PRRX2: variants seen among roughly 807,000 people sequenced by gnomAD.
PRRX2 encodes paired related homeobox 2.
A neutral mutation model predicts 18.0 loss-of-function variants in PRRX2; 11 were observed. That is an observed-to-expected ratio of 0.61 (90% CI 0.39 to 1.01). The LOEUF (loss-of-function observed/expected upper bound fraction) is 1.01. Among genes scored for constraint, PRRX2 ranks in the 50% least tolerant of loss-of-function variants. PRRX2 has a pLI of 0.01. For missense variants in PRRX2, 387 were observed against 351.0 expected (o/e 1.10, Z -0.82); for synonymous variants, 177 against 154.8 (o/e 1.14, Z -1.06).
chr9:129,671,609 C>A lies in PRRX2; in HGVS notation c.259+5483C>A, dbSNP rs1031053438. Among the ~76,000 whole-genome samples the A allele has an allele frequency of 3.9e-5, 6 of 152,334 alleles. No homozygotes were observed. The highest frequency in any genetic ancestry group is 1.2e-4 in the African/African-American group (5 of 41,570). ...AGTGTTGCCATCTGTGGGATAGGAA[C>A]AAGGGCTGTGGTATCCCTCAAAGGG... On this transcript the variant is annotated intron_variant, in intron 1 of 3. Transcript: ENST00000372469. The surrounding 1 kb of genome is among the most constrained non-coding windows in gnomAD (Gnocchi z 4.0).
chr9:129,683,390 G>C (rs1442106530), intron 1 of PRRX2, among the ~76,000 whole-genome samples: 1 of 152,174 alleles, frequency 6.6e-6, no homozygotes, highest in East Asian at 1.9e-4. Flanking sequence ...TGCAGGTCCT[G>C]GGCACACACC....
rs1832094261 is a variant in PRRX2, at chr9:129,671,106, C to A, written c.259+4980C>A. Among the ~76,000 whole-genome samples the A allele has an allele frequency of 6.6e-6, 1 of 152,350 alleles. No homozygotes were observed. Among genetic ancestry groups the A allele is most frequent in the Middle Eastern group, 3.4e-3 (1 of 294 alleles). ...AGATGATTTGACTCAGGCTTAGGAA[C>A]CCCATGATGGGCGTGTCTCCCTGGG... On this transcript the variant is annotated intron_variant, in intron 1 of 3. Transcript: ENST00000372469. This position sits in a 1 kb window ranked among gnomAD's most constrained non-coding sequence, Gnocchi z 4.0.
At chr9:129,689,194 G>A (rs1394601256) in intron 1 of PRRX2, among the ~76,000 whole-genome samples, 1 of 152,110 alleles carries the variant, frequency 6.6e-6, no homozygotes, top group African/African-American at 2.4e-5. Context: ...TCTTCTCTGA[G>A]CTCCCAGAGC....
In PRRX2 at chr9:129,720,817, G is replaced by A. The variant is rs376786208; in HGVS notation, c.626+43G>A. The A allele has an allele frequency of 1.7e-3, 2,601 of 1,492,874 alleles. 28 individuals are homozygous for A. The highest frequency in any genetic ancestry group is 0.017 in the South Asian group (1,311 of 75,432). The allele number at this position is 1,492,874 out of a possible 1,614,324, so 92.5% of individuals were successfully genotyped here. ...TTTGGGCCAGGAAGGGGCAGCTCGAGGAATCCCAGAGGGCTTTTCCGGCCT... is the reference window on the plus strand; with the variant it reads ...TTTGGGCCAGGAAGGGGCAGCTCGAAGAATCCCAGAGGGCTTTTCCGGCCT... On this transcript the variant is annotated intron_variant, in intron 3 of 3. Transcript: ENST00000372469.
chr9:129,718,864 C>T (rs1257730200), intron 1 of PRRX2, among the ~76,000 whole-genome samples: 2 of 152,170 alleles, frequency 1.3e-5, no homozygotes, highest in African/African-American at 4.8e-5. Flanking sequence ...CAGGTGTCTC[C>T]TGAGCCCTCC....
intron 1 of PRRX2, among the ~76,000 whole-genome samples, chr9:129,685,798 T>C (rs1832293373): frequency 6.6e-6 from 1 of 152,208 alleles, no homozygotes; most frequent in Non-Finnish European, 1.5e-5. Context: ...ATCCATGCAG[T>C]GTTTACTGAG....
intron 1 of PRRX2, among the ~76,000 whole-genome samples, chr9:129,706,826 A>G (rs1265907722): frequency 6.6e-6 from 1 of 152,184 alleles, no homozygotes; most frequent in Non-Finnish European, 1.5e-5. Flanking sequence ...AAACATTTTC[A>G]TACCCCCAAA....
At chr9:129,719,452 G>A (rs750242493) in intron 2 of PRRX2, 34 bp downstream of exon 2, 70 of 1,460,626 alleles carry the variant, frequency 4.8e-5, no homozygotes, top group Non-Finnish European at 6.1e-5. Context: ...CCGTGGGAGC[G>A]TGCGCGTGGG....
At chr9:129,698,704 C>T (rs894948091) in intron 1 of PRRX2, among the ~76,000 whole-genome samples, 4 of 152,234 alleles carry the variant, frequency 2.6e-5, no homozygotes, top group South Asian at 2.1e-4. Flanking sequence ...CACTACCTCA[C>T]GTCACTACCA....
chr9:129,691,670 T>C (rs1211507584), intron 1 of PRRX2, among the ~76,000 whole-genome samples: 4 of 149,820 alleles, frequency 2.7e-5, no homozygotes, highest in East Asian at 4.0e-4. Flanking sequence ...TCTTTTCCCT[T>C]TTTAAATATA....
intron 1 of PRRX2, among the ~76,000 whole-genome samples, chr9:129,669,855 G>C (rs1168397795): frequency 1.3e-5 from 2 of 151,874 alleles, no homozygotes; most frequent in African/African-American, 4.8e-5. Context: ...CCTAACATCA[G>C]ATTGACCATT....
chr9:129,668,995 A>G (rs1483821324), intron 1 of PRRX2, among the ~76,000 whole-genome samples: 2 of 151,716 alleles, frequency 1.3e-5, no homozygotes, highest in Non-Finnish European at 2.9e-5. Flanking sequence ...AAAACTACAC[A>G]AATTAGTCAG....
At chr9:129,705,522 T>G (rs973075756) in intron 1 of PRRX2, among the ~76,000 whole-genome samples, 3 of 151,918 alleles carry the variant, frequency 2.0e-5, no homozygotes, top group African/African-American at 7.2e-5. Flanking sequence ...GCCCGGCTAA[T>G]TTTTGTATTT....
chr9:129,713,504 G>A (rs1404129789), intron 1 of PRRX2, among the ~76,000 whole-genome samples: 1 of 152,200 alleles, frequency 6.6e-6, no homozygotes, highest in Non-Finnish European at 1.5e-5. Context: ...GGGACTGAGC[G>A]TGTGACAGGC....
intron 1 of PRRX2, among the ~76,000 whole-genome samples, chr9:129,713,797 A>AT (rs1373312102): frequency 6.7e-6 from 1 of 148,398 alleles, no homozygotes; most frequent in East Asian, 2.0e-4. Context: ...TGCCTGGCTA[A>AT]TTTATTTATT....
intron 1 of PRRX2, among the ~76,000 whole-genome samples, chr9:129,701,374 A>G (rs974970699): frequency 6.6e-6 from 1 of 152,248 alleles, no homozygotes; most frequent in Non-Finnish European, 1.5e-5. Context: ...ACTGGGTGCC[A>G]GGTATTGTCG....
At chr9:129,717,715 GAAA>G (rs1260212620) in intron 1 of PRRX2, among the ~76,000 whole-genome samples, 208 of 138,360 alleles carry the variant, frequency 1.5e-3, no homozygotes, top group African/African-American at 5.5e-3. Flanking sequence ...AAAAAAAAAA[GAAA>G]AAGAAAAAAG....
chr9:129,669,358 A>G (rs7866985), intron 1 of PRRX2, among the ~76,000 whole-genome samples: 7,858 of 152,340 alleles, frequency 0.052, 388 homozygotes, highest in East Asian at 0.18. Context: ...ACGTTAGGAA[A>G]ACAAACCCTG....
At chr9:129,701,956 T>C (rs1392236597) in intron 1 of PRRX2, among the ~76,000 whole-genome samples, 1 of 151,862 alleles carries the variant, frequency 6.6e-6, no homozygotes, top group African/African-American at 2.4e-5. Flanking sequence ...AAAAAATTAG[T>C]CAGGCCTGAT....
Sources: gnomAD v4.1 joint callset for allele counts (sites outside exome capture counted in the v4.1 genomes callset) on GRCh38, gnomAD v4.1.1 for gene constraint, Gnocchi (gnomAD v3.1) non-coding constraint, MANE v1.5 for transcripts, NCBI Gene and HGNC (gene_info 2026-07-23, HGNC 2026-07-21) for gene names.